Variants in SEMA3A observed in about 807,000 individuals in gnomAD.
The protein encoded by SEMA3A is semaphorin 3A.
In SEMA3A, 29 loss-of-function variants were observed where a neutral mutation model predicts 97.9. The observed-to-expected ratio is 0.30, with a 90% CI of 0.22 to 0.40. The LOEUF (loss-of-function observed/expected upper bound fraction) is 0.40, where lower values mean the gene tolerates loss of function less well. Ranked by LOEUF, SEMA3A falls within the 10% of genes least tolerant of loss-of-function variation. The probability of loss-of-function intolerance (pLI) is 1.00; values close to 1 mark genes in which losing one functional copy is unlikely to be tolerated. For synonymous variants in SEMA3A, 321 were observed against 323.7 expected, an observed-to-expected ratio of 0.99 and a Z score of 0.09; for missense variants, 763 against 951.3, an observed-to-expected ratio of 0.80 and a Z score of 2.60.
At chr7:84,201,248 T>C (rs987259647) in intron 3 of SEMA3A, among the ~76,000 whole-genome samples, 1 of 152,064 alleles carries the variant, frequency 6.6e-6, no homozygotes, top group African/African-American at 2.4e-5. Flanking sequence ...GTCTTAAATG[T>C]TTTTAATGAG....
At chr7:84,118,157 T>G (rs1421183851) in intron 3 of SEMA3A, among the ~76,000 whole-genome samples, 2 of 152,186 alleles carry the variant, frequency 1.3e-5, no homozygotes, top group African/African-American at 4.8e-5. Context: ...TGGTTTTGAG[T>G]ATTACTCTGT....
chr7:83,999,788 T>C (rs1790365308), intron 12 of SEMA3A, among the ~76,000 whole-genome samples: 1 of 152,084 alleles, frequency 6.6e-6, no homozygotes, highest in Non-Finnish European at 1.5e-5. Flanking sequence ...AAGATAACAA[T>C]ATTTTAGTGT....
At chr7:84,007,227 A>G in intron 10 of SEMA3A, 126 bp downstream of exon 10, 1 of 733,586 alleles carries the variant, frequency 1.4e-6, no homozygotes, top group South Asian at 4.8e-5. Context: ...TCTTGCTTTA[A>G]TTTATAATCT....
chr7:84,011,857 CATAAATTTAT>C lies in SEMA3A; in HGVS notation c.811-570_811-561del, dbSNP rs146416168. 2.2e-3 allele frequency among the ~76,000 whole-genome samples: 339 copies of C among 152,142 alleles called. 1 individual carries two copies. Among genetic ancestry groups the C allele is most frequent in the African/African-American group, 7.7e-3 (321 of 41,508 alleles). ...TCAAAAATCAACATTGTTTTGTACT[CATAAATTTAT>C]ATAATCATAATTGTCAATTTACAGT... On this transcript the variant is annotated intron_variant, in intron 7 of 16. Transcript: ENST00000265362.
intron 1 of SEMA3A, among the ~76,000 whole-genome samples, chr7:84,450,048 T>C (rs1005168700): frequency 3.3e-5 from 5 of 152,178 alleles, no homozygotes; most frequent in African/African-American, 1.2e-4. Context: ...AACATGGAAG[T>C]GCAAATATCT....
chr7:84,194,611 G>T lies in SEMA3A; in HGVS notation c.-25C>A. 2 of 1,408,500 alleles carry T rather than the reference G, an allele frequency of 1.4e-6. No homozygotes were observed. Among genetic ancestry groups the T allele is most frequent in the Non-Finnish European group, 2.0e-6 (2 of 993,692 alleles). 87.3% of individuals were successfully genotyped at this position (1,408,500 alleles called of 1,614,324 possible). A position where few individuals can be genotyped will look rare whatever the true frequency, so the allele number is the denominator to read the frequency against. ...TGCTGCAGACGCTGTAGGTCCCTTTGCTGCTTTAGTCTTCCTTCCTGTATT... is the reference window on the plus strand; with the variant it reads ...TGCTGCAGACGCTGTAGGTCCCTTTTCTGCTTTAGTCTTCCTTCCTGTATT... On this transcript the variant is annotated 5_prime_UTR_variant, in exon 1 of 17. Coordinates refer to ENST00000265362, the MANE Select transcript of SEMA3A (RefSeq NM_006080.3).
intron 1 of SEMA3A, among the ~76,000 whole-genome samples, chr7:84,150,593 C>T (rs1796615398): frequency 6.6e-6 from 1 of 152,188 alleles, no homozygotes; most frequent in African/African-American, 2.4e-5. Flanking sequence ...GGGTCCTACC[C>T]TATGGAGTCT....
At chr7:84,243,621 T>G (rs935509358) in intron 3 of SEMA3A, among the ~76,000 whole-genome samples, 1 of 152,026 alleles carries the variant, frequency 6.6e-6, no homozygotes, top group Admixed American at 6.6e-5. Context: ...TGATTTTTTT[T>G]GTGAAGGGGT....
chr7:84,043,579 C>A (rs1792227894), intron 6 of SEMA3A, among the ~76,000 whole-genome samples: 1 of 152,098 alleles, frequency 6.6e-6, no homozygotes, highest in South Asian at 2.1e-4. Context: ...ATAGTCTATG[C>A]TGATGCCTCA....
intron 1 of SEMA3A, among the ~76,000 whole-genome samples, chr7:84,431,544 TTTTTGTC>T (rs1340194566): frequency 2.0e-5 from 3 of 152,116 alleles, no homozygotes; most frequent in African/African-American, 7.2e-5. Context: ...ACTAAAGCAT[TTTTTGTC>T]ATCTCCTCAG....
At chr7:84,051,087 G>C (rs1249027947) in intron 5 of SEMA3A, among the ~76,000 whole-genome samples, 1 of 151,150 alleles carries the variant, frequency 6.6e-6, no homozygotes, top group Non-Finnish European at 1.5e-5. Context: ...TTTGGTACCA[G>C]TACCATGCTG....
chr7:84,223,745 A>T (rs916847429), intron 3 of SEMA3A, among the ~76,000 whole-genome samples: 2 of 151,838 alleles, frequency 1.3e-5, no homozygotes, highest in African/African-American at 4.8e-5. Flanking sequence ...AATTAACATG[A>T]CATGTAGAGA....
At chr7:84,400,122 C>T (rs1400504280) in intron 1 of SEMA3A, among the ~76,000 whole-genome samples, 1 of 152,152 alleles carries the variant, frequency 6.6e-6, no homozygotes, top group African/African-American at 2.4e-5. Context: ...GCTAACGGAA[C>T]TCAAAACTCA....
intron 4 of SEMA3A, among the ~76,000 whole-genome samples, chr7:84,064,334 A>C (rs1793388152): frequency 6.6e-6 from 1 of 152,130 alleles, no homozygotes; most frequent in South Asian, 2.1e-4. Flanking sequence ...TGTAAACACC[A>C]TCAAGACTAG....
At chr7:84,316,437 C>T (rs1318621430) in intron 2 of SEMA3A, among the ~76,000 whole-genome samples, 1 of 151,772 alleles carries the variant, frequency 6.6e-6, no homozygotes, top group Non-Finnish European at 1.5e-5. Flanking sequence ...ATGCACAGAA[C>T]AAATGTACAC....
intron 3 of SEMA3A, among the ~76,000 whole-genome samples, chr7:84,121,415 A>G (rs1393855232): frequency 1.3e-5 from 2 of 149,766 alleles, no homozygotes; most frequent in Non-Finnish European, 3.0e-5. Flanking sequence ...CCTGTGTCCA[A>G]GTGTTCTCAT....
intron 3 of SEMA3A, among the ~76,000 whole-genome samples, chr7:84,232,825 T>G (rs1340707360): frequency 6.6e-6 from 1 of 151,950 alleles, no homozygotes. Flanking sequence ...TTTTGTCATC[T>G]TTGCTCTTCT....
chr7:83,979,697 G>C (rs919291513), intron 14 of SEMA3A, among the ~76,000 whole-genome samples: 1 of 152,190 alleles, frequency 6.6e-6, no homozygotes, highest in South Asian at 2.1e-4. Context: ...TTTAATAATT[G>C]TATTTCTTAT....
intron 2 of SEMA3A, among the ~76,000 whole-genome samples, chr7:84,324,823 T>C (rs1023974164): frequency 6.6e-6 from 1 of 152,072 alleles, no homozygotes; most frequent in Non-Finnish European, 1.5e-5. Flanking sequence ...TACAGTATAA[T>C]CATTAATCAT....
Sources: gnomAD v4.1 joint callset for allele counts (sites outside exome capture counted in the v4.1 genomes callset) on GRCh38, gnomAD v4.1.1 for gene constraint, MANE v1.5 for transcripts, NCBI Gene and HGNC (gene_info 2026-07-23, HGNC 2026-07-21) for gene names.